Variants in SHC3 observed in about 807,000 individuals in gnomAD.
SHC3 encodes the protein SHC adaptor protein 3, also known as SHC-transforming protein 3.
In SHC3, 15 loss-of-function variants were observed where a neutral mutation model predicts 60.4. The observed-to-expected ratio is 0.25, with a 90% CI of 0.17 to 0.38. SHC3 has a LOEUF of 0.38. SHC3 is among the 10% of genes least tolerant of loss of function. SHC3 has a pLI of 1.00. For missense variants in SHC3, 677 were observed against 786.1 expected, an observed-to-expected ratio of 0.86 and a Z score of 1.66; for synonymous variants, 294 against 325.9, an observed-to-expected ratio of 0.90 and a Z score of 1.05.
chr9:89,030,698 T>TTGGAATCAGGTAATTTTATTA (rs1824472649), intron 11 of SHC3, among the ~76,000 whole-genome samples: 1 of 152,214 alleles, frequency 6.6e-6, no homozygotes. Flanking sequence ...TTATTACCTG[T>TTGGAATCAGGTAATTTTATTA]TTGTTGGAAT....
chr9:89,151,472 G>C (rs1826545245), intron 1 of SHC3, among the ~76,000 whole-genome samples: 1 of 152,132 alleles, frequency 6.6e-6, no homozygotes, highest in African/African-American at 2.4e-5. Context: ...ACATGAGAAG[G>C]AGCCATTCAT....
chr9:89,031,871 T>C (rs565883078), intron 11 of SHC3, among the ~76,000 whole-genome samples: 1 of 152,330 alleles, frequency 6.6e-6, no homozygotes, highest in South Asian at 2.1e-4. Context: ...ATGCTCCATG[T>C]TTCTCAGCAT....
At chr9:89,126,051 C>G (rs922887655) in intron 1 of SHC3, among the ~76,000 whole-genome samples, 1 of 152,130 alleles carries the variant, frequency 6.6e-6, no homozygotes, top group South Asian at 2.1e-4. Context: ...ATCAGGACCA[C>G]GTTCAGGCAA....
At chr9:89,021,507 A>C (rs1032312770) in intron 11 of SHC3, among the ~76,000 whole-genome samples, 2 of 152,230 alleles carry the variant, frequency 1.3e-5, no homozygotes, top group Admixed American at 1.3e-4. Flanking sequence ...GCTGACCCAC[A>C]AAACTAACCT....
chr9:89,170,063 G>A (rs920347449), intron 1 of SHC3, among the ~76,000 whole-genome samples: 2 of 152,046 alleles, frequency 1.3e-5, no homozygotes, highest in Non-Finnish European at 2.9e-5. Context: ...CTTTCCTGCT[G>A]AGTGGGTTGT....
intron 11 of SHC3, among the ~76,000 whole-genome samples, chr9:89,022,790 T>C (rs1826227499): frequency 6.6e-6 from 1 of 152,208 alleles, no homozygotes; most frequent in Non-Finnish European, 1.5e-5. Context: ...AGTGCACTTA[T>C]TTTAAGTGCA....
chr9:89,097,993 C>A (rs995072631), intron 2 of SHC3, among the ~76,000 whole-genome samples: 2 of 152,088 alleles, frequency 1.3e-5, no homozygotes, highest in African/African-American at 4.8e-5. Context: ...TTAATTAAAT[C>A]ATCAAAGTTG....
intron 11 of SHC3, among the ~76,000 whole-genome samples, chr9:89,014,328 G>A (rs1379558960): frequency 1.3e-5 from 2 of 152,142 alleles, no homozygotes; most frequent in African/African-American, 2.4e-5. Flanking sequence ...ACTCTGAGCC[G>A]GCACATTCAC....
In SHC3 at chr9:89,005,885, G is replaced by A. The variant is rs1318767708; in HGVS notation, c.*7562C>T. On this transcript the variant is annotated 3_prime_UTR_variant, in exon 12 of 12. Coordinates refer to ENST00000375835, the MANE Select transcript of SHC3 (RefSeq NM_016848.6). The stretch of plus-strand genomic sequence containing the variant: ...CCCTTGAGCCAGTTATTCCACGCTG[G>A]TAAGACCCTTTCACAGAAATGTAAC... 66 of 152,152 alleles carry A rather than the reference G, an allele frequency of 4.3e-4. 1 individual carries two copies. Among genetic ancestry groups the A allele is most frequent in the Admixed American group, 4.3e-3 (65 of 15,268 alleles). 9.4% of individuals were successfully genotyped at this position (152,152 alleles called of 1,614,324 possible).
intron 1 of SHC3, among the ~76,000 whole-genome samples, chr9:89,126,997 CAGTT>C (rs1288567296): frequency 6.6e-6 from 1 of 152,164 alleles, no homozygotes; most frequent in Non-Finnish European, 1.5e-5. Flanking sequence ...ATTCACATCA[CAGTT>C]AGCCCTAAAA....
At chr9:89,062,884 C>T (rs1587705348) in intron 6 of SHC3, among the ~76,000 whole-genome samples, 1 of 152,372 alleles carries the variant, frequency 6.6e-6, no homozygotes, top group African/African-American at 2.4e-5. Flanking sequence ...AGCCCTGCCA[C>T]TGGCTCCTTC....
intron 2 of SHC3, among the ~76,000 whole-genome samples, chr9:89,080,155 G>A (rs1296201274): frequency 1.3e-5 from 2 of 152,126 alleles, no homozygotes; most frequent in Non-Finnish European, 2.9e-5. Context: ...AAGCAGTACT[G>A]TTTCCATTTG....
chr9:89,045,576 C>T (rs1824758509), intron 9 of SHC3, among the ~76,000 whole-genome samples, 170 bp downstream of exon 9: 1 of 152,172 alleles, frequency 6.6e-6, no homozygotes, highest in Non-Finnish European at 1.5e-5. Context: ...CGCCTGACCA[C>T]ACCGTTGCTT....
At chr9:89,177,685 T>A (rs1826961874) in intron 1 of SHC3, among the ~76,000 whole-genome samples, 1 of 152,130 alleles carries the variant, frequency 6.6e-6, no homozygotes. Context: ...CCCATGACAC[T>A]GGTCAGACAT....
intron 2 of SHC3, among the ~76,000 whole-genome samples, chr9:89,103,998 C>T (rs1825819601): frequency 6.6e-6 from 1 of 152,126 alleles, no homozygotes; most frequent in Non-Finnish European, 1.5e-5. Flanking sequence ...CATTTTGACA[C>T]AAATGTGCTT....
intron 1 of SHC3, among the ~76,000 whole-genome samples, chr9:89,177,347 A>G (rs1033618825): frequency 7.2e-5 from 11 of 152,208 alleles, no homozygotes; most frequent in Admixed American, 7.2e-4. Context: ...GACTACAGTC[A>G]CCAGAAAAAT....
chr9:89,058,619 C>CA (rs1824997882), intron 6 of SHC3, among the ~76,000 whole-genome samples: 1 of 120,082 alleles, frequency 8.3e-6, no homozygotes, highest in African/African-American at 3.2e-5. Flanking sequence ...TGGTGGAGGA[C>CA]GTGGTGGAGG....
intron 5 of SHC3, 88 bp downstream of exon 5, chr9:89,071,111 C>T (rs1380398714): frequency 4.9e-6 from 6 of 1,234,708 alleles, no homozygotes; most frequent in African/African-American, 1.5e-5. Flanking sequence ...ACCTTTTTTA[C>T]AGTGTCTTGC....
intron 1 of SHC3, among the ~76,000 whole-genome samples, chr9:89,145,089 C>T (rs1490618975): frequency 6.6e-6 from 1 of 152,142 alleles, no homozygotes; most frequent in Non-Finnish European, 1.5e-5. Flanking sequence ...GCAGCCTCTC[C>T]CTCCACCCAC....
Sources: gnomAD v4.1 joint callset for allele counts (sites outside exome capture counted in the v4.1 genomes callset) on GRCh38, gnomAD v4.1.1 for gene constraint, MANE v1.5 for transcripts, NCBI Gene and HGNC (gene_info 2026-07-23, HGNC 2026-07-21) for gene names.